The following ZNRF1 variants were observed in gnomAD, a reference collection of about 807,000 sequenced individuals.
ZNRF1 encodes E3 ubiquitin-protein ligase ZNRF1.
Under a neutral mutation model 18.4 loss-of-function variants are expected in ZNRF1, and 3 were observed. The observed-to-expected ratio is 0.16, with a 90% CI of 0.07 to 0.42. ZNRF1 has a LOEUF of 0.42. Among genes scored for constraint, ZNRF1 ranks in the 10% least tolerant of loss-of-function variants. The pLI, the probability that ZNRF1 is intolerant of heterozygous loss-of-function variation, is 0.99. For synonymous variants in ZNRF1, 157 were observed against 144.2 expected (o/e 1.09, Z -0.64); for missense variants, 310 against 329.8 (o/e 0.94, Z 0.47).
chr16:75,015,459 C>T (rs559164369), intron 1 of ZNRF1, among the ~76,000 whole-genome samples: 41 of 152,284 alleles, frequency 2.7e-4, no homozygotes, highest in African/African-American at 7.5e-4. Context: ...CTTGTAATCC[C>T]AGCTACTCAG....
intron 1 of ZNRF1, among the ~76,000 whole-genome samples, chr16:75,020,243 G>C (rs895219592): frequency 6.6e-6 from 1 of 151,790 alleles, no homozygotes; most frequent in Non-Finnish European, 1.5e-5. Context: ...GTAAATATTT[G>C]CCTGCTACAT....
intron 1 of ZNRF1, among the ~76,000 whole-genome samples, chr16:75,063,966 A>G (rs2035771934): frequency 6.6e-6 from 1 of 152,212 alleles, no homozygotes; most frequent in Non-Finnish European, 1.5e-5. Flanking sequence ...TTGTTAAAAT[A>G]CGGGGCTCCA....
intron 1 of ZNRF1, among the ~76,000 whole-genome samples, chr16:75,005,124 G>A (rs894614206): frequency 3.3e-5 from 5 of 152,202 alleles, no homozygotes; most frequent in Non-Finnish European, 7.3e-5. Flanking sequence ...GGTTTCTGGA[G>A]AAGGAAAAGC....
At chr16:75,058,465 C>T (rs756643120) in intron 1 of ZNRF1, among the ~76,000 whole-genome samples, 4 of 152,174 alleles carry the variant, frequency 2.6e-5, no homozygotes, top group African/African-American at 9.7e-5. Context: ...AACACTGTTG[C>T]AGTCAGCAGG....
intron 1 of ZNRF1, among the ~76,000 whole-genome samples, chr16:75,017,990 A>G (rs1396689031): frequency 1.3e-5 from 2 of 152,200 alleles, no homozygotes; most frequent in African/African-American, 4.8e-5. Context: ...AAGCTTGGGC[A>G]AGTGACCTAA....
At chr16:75,057,771 G>C (rs896385479) in intron 1 of ZNRF1, among the ~76,000 whole-genome samples, 2 of 152,194 alleles carry the variant, frequency 1.3e-5, no homozygotes, top group African/African-American at 4.8e-5. Flanking sequence ...GAGTAGAGTA[G>C]CTGGGATTAC....
intron 1 of ZNRF1, among the ~76,000 whole-genome samples, chr16:75,003,122 T>C (rs2034874503): frequency 6.6e-6 from 1 of 152,182 alleles, no homozygotes; most frequent in South Asian, 2.1e-4. Context: ...CCCAATAAGC[T>C]TGGGGCTAAT....
At chr16:75,061,337 C>T (rs1208332514) in intron 1 of ZNRF1, among the ~76,000 whole-genome samples, 1 of 152,084 alleles carries the variant, frequency 6.6e-6, no homozygotes, top group African/African-American at 2.4e-5. Flanking sequence ...AACCATCCTT[C>T]TACCCTCTGT....
chr16:75,094,099 G>A (rs760538454), intron 2 of ZNRF1, among the ~76,000 whole-genome samples: 1 of 152,198 alleles, frequency 6.6e-6, no homozygotes, highest in Non-Finnish European at 1.5e-5. Context: ...TGTGCTGGTG[G>A]CATGCATAGA....
intron 1 of ZNRF1, among the ~76,000 whole-genome samples, chr16:75,070,117 A>C (rs1402821397): frequency 6.6e-6 from 1 of 152,220 alleles, no homozygotes; most frequent in Non-Finnish European, 1.5e-5. Flanking sequence ...CTCAGTAATC[A>C]AGACAAATAA....
At chr16:75,019,035 G>C (rs897503246) in intron 1 of ZNRF1, among the ~76,000 whole-genome samples, 2 of 152,038 alleles carry the variant, frequency 1.3e-5, no homozygotes, top group African/African-American at 4.8e-5. Flanking sequence ...GCGTGGTGGC[G>C]CGTGACTGTA....
chr16:75,069,955 C>T (rs755581594), intron 1 of ZNRF1, among the ~76,000 whole-genome samples: 2 of 152,146 alleles, frequency 1.3e-5, no homozygotes, highest in South Asian at 2.1e-4. Flanking sequence ...GTTGCCCAAG[C>T]GAGCTGCTTG....
At chr16:75,047,784 A>T (rs373915545) in intron 1 of ZNRF1, among the ~76,000 whole-genome samples, 2 of 152,236 alleles carry the variant, frequency 1.3e-5, no homozygotes, top group Non-Finnish European at 2.9e-5. Context: ...TGGGTAGCTT[A>T]AACAACAGAA....
chr16:75,097,507 T>G (rs1251346499), intron 2 of ZNRF1, among the ~76,000 whole-genome samples: 1 of 152,168 alleles, frequency 6.6e-6, no homozygotes, highest in African/African-American at 2.4e-5. Flanking sequence ...GCTCTTGAGA[T>G]GCTAAATGTC....
At chr16:75,086,930 C>T (rs1404901572) in intron 1 of ZNRF1, among the ~76,000 whole-genome samples, 3 of 151,826 alleles carry the variant, frequency 2.0e-5, no homozygotes, top group Non-Finnish European at 4.4e-5. Context: ...TTTAAAATAG[C>T]GCATCAGCAT....
intron 2 of ZNRF1, among the ~76,000 whole-genome samples, chr16:75,103,846 G>A (rs977070461): frequency 6.6e-6 from 1 of 152,118 alleles, no homozygotes; most frequent in Non-Finnish European, 1.5e-5. Flanking sequence ...CTAGCCAGGC[G>A]TGGTGGTGGG....
At chr16:75,046,303 G>A (rs956260528) in intron 1 of ZNRF1, among the ~76,000 whole-genome samples, 1 of 151,984 alleles carries the variant, frequency 6.6e-6, no homozygotes, top group Non-Finnish European at 1.5e-5. Flanking sequence ...CCAGGCTGAA[G>A]TGCAGTGGCA....
At chr16:75,073,795 G>A (rs889789362) in intron 1 of ZNRF1, among the ~76,000 whole-genome samples, 1 of 151,972 alleles carries the variant, frequency 6.6e-6, no homozygotes, top group African/African-American at 2.4e-5. Flanking sequence ...CAACATCCTC[G>A]TGCTGTATTC....
At chr16:75,099,549 C>T (rs952298800) in intron 2 of ZNRF1, among the ~76,000 whole-genome samples, 1 of 152,204 alleles carries the variant, frequency 6.6e-6, no homozygotes, top group Non-Finnish European at 1.5e-5. Context: ...TGGGCAGTGA[C>T]ATTGGCTGGC....
Sources: allele counts gnomAD v4.1 joint callset (sites outside exome capture counted in the v4.1 genomes callset), GRCh38; gene constraint gnomAD v4.1.1; transcripts MANE v1.5; gene names NCBI Gene and HGNC (gene_info 2026-07-23, HGNC 2026-07-21).